Variants in LOC400499 observed in about 807,000 individuals in gnomAD.
chr16:11,504,329 G>C, the LOC400499 span, among the ~76,000 whole-genome samples: 71 of 152,342 alleles, frequency 4.7e-4, no homozygotes, highest in South Asian at 0.014. Context: ...GCCGAGCCGG[G>C]TGGATCACTG....
the LOC400499 span, among the ~76,000 whole-genome samples, chr16:11,407,986 T>TTG: frequency 7.0e-6 from 1 of 142,740 alleles, no homozygotes; most frequent in Non-Finnish European, 1.5e-5. Flanking sequence ...TTTTTTTTTT[T>TTG]TTTTTTTTTT....
the LOC400499 span, among the ~76,000 whole-genome samples, chr16:11,387,768 C>T: frequency 3.3e-5 from 5 of 152,246 alleles, no homozygotes; most frequent in East Asian, 1.9e-4. Flanking sequence ...GGACTACCAG[C>T]GCCCACCGCA....
At chr16:11,378,902 C>G in the LOC400499 span, among the ~76,000 whole-genome samples, 81 of 152,170 alleles carry the variant, frequency 5.3e-4, no homozygotes, top group African/African-American at 1.9e-3. Context: ...TCCAACTGGT[C>G]TATAGTATTG....
chr16:11,510,650 A>G, the LOC400499 span, among the ~76,000 whole-genome samples: 4 of 151,644 alleles, frequency 2.6e-5, no homozygotes, highest in African/African-American at 7.3e-5. Context: ...GGAGTTGACC[A>G]TGATCACAGG....
At chr16:11,479,872 T>C in the LOC400499 span, among the ~76,000 whole-genome samples, 1 of 152,212 alleles carries the variant, frequency 6.6e-6, no homozygotes, top group African/African-American at 2.4e-5. Flanking sequence ...CTGCGTCTCG[T>C]TGCTGTATCC....
At chr16:11,430,059 G>A in the LOC400499 span, among the ~76,000 whole-genome samples, 1 of 152,146 alleles carries the variant, frequency 6.6e-6, no homozygotes, top group Non-Finnish European at 1.5e-5. Context: ...CAGACAGAAG[G>A]TGCCACCTGA....
chr16:11,498,135 G>C, the LOC400499 span, among the ~76,000 whole-genome samples: 2 of 152,130 alleles, frequency 1.3e-5, no homozygotes, highest in Admixed American at 6.5e-5. Context: ...CAGCTACAAA[G>C]CATCAAGAAG....
chr16:11,389,344 T>C, the LOC400499 span, among the ~76,000 whole-genome samples: 4 of 152,224 alleles, frequency 2.6e-5, no homozygotes, highest in African/African-American at 9.7e-5. Context: ...GGCCAGCTTC[T>C]GCACGGCCTG....
chr16:11,402,073 C>A, the LOC400499 span: 1 of 399,208 alleles, frequency 2.5e-6, no homozygotes. Context: ...CCAGGCCATC[C>A]CGGTGGCTGC....
the LOC400499 span, among the ~76,000 whole-genome samples, chr16:11,424,803 G>C: frequency 6.6e-6 from 1 of 152,150 alleles, no homozygotes; most frequent in African/African-American, 2.4e-5. Context: ...GCATCCTTGG[G>C]GTCCTGGCTA....
the LOC400499 span, among the ~76,000 whole-genome samples, chr16:11,412,554 C>A: frequency 1.3e-5 from 2 of 152,332 alleles, no homozygotes; most frequent in South Asian, 2.1e-4. Flanking sequence ...CCTCACCAGG[C>A]CCCCAGGCCT....
At chr16:11,519,017 C>T in the LOC400499 span, 160,211 of 398,482 alleles carry the variant, frequency 0.4, 33,458 homozygotes, top group Middle Eastern at 0.51. Flanking sequence ...TGTGATACCC[C>T]GGGAACTCGC....
At chr16:11,484,635 G>C in the LOC400499 span, among the ~76,000 whole-genome samples, 1 of 152,148 alleles carries the variant, frequency 6.6e-6, no homozygotes, top group Non-Finnish European at 1.5e-5. Flanking sequence ...TGAGGTGGTG[G>C]ACAGGCAGGC....
At chr16:11,491,700 C>A in the LOC400499 span, 1 of 372,296 alleles carries the variant, frequency 2.7e-6, no homozygotes, top group Non-Finnish European at 4.8e-6. Flanking sequence ...CCATGGCTCA[C>A]CCTGGGTGGA....
At chr16:11,398,924 G>C in the LOC400499 span, among the ~76,000 whole-genome samples, 33 of 152,300 alleles carry the variant, frequency 2.2e-4, no homozygotes, top group African/African-American at 7.9e-4. Context: ...GATTACAGGT[G>C]TGATTCGCCA....
At chr16:11,504,152 G>T in the LOC400499 span, among the ~76,000 whole-genome samples, 2 of 152,192 alleles carry the variant, frequency 1.3e-5, no homozygotes, top group African/African-American at 4.8e-5. Flanking sequence ...ATCATTAGTG[G>T]CTTATCCTGG....
At chr16:11,463,764 T>A in the LOC400499 span, among the ~76,000 whole-genome samples, 3 of 152,136 alleles carry the variant, frequency 2.0e-5, no homozygotes, top group African/African-American at 7.2e-5. Context: ...TGTGTATATA[T>A]GAACGTATAT....
chr16:11,382,873 C>T, the LOC400499 span, among the ~76,000 whole-genome samples: 1 of 152,098 alleles, frequency 6.6e-6, no homozygotes, highest in South Asian at 2.1e-4. Context: ...GGACACTTAG[C>T]TTAGTAGGGG....
chr16:11,381,912 A>G, the LOC400499 span, among the ~76,000 whole-genome samples: 2 of 148,142 alleles, frequency 1.4e-5, no homozygotes, highest in Non-Finnish European at 3.0e-5. Flanking sequence ...ATGCCTGCTG[A>G]CTCTAAAGGG....
Sources: gnomAD v4.1 joint callset for allele counts (sites outside exome capture counted in the v4.1 genomes callset) on GRCh38, gnomAD v4.1.1 for gene constraint, MANE v1.5 for transcripts.